The following BMP1 variants were observed in gnomAD, a reference collection of about 807,000 sequenced individuals.
The protein encoded by BMP1 is bone morphogenetic protein 1.
BMP1 carries 63 observed loss-of-function variants against 116.8 expected under a neutral mutation model. That is an observed-to-expected ratio of 0.54 (90% confidence interval 0.44 to 0.67). The LOEUF (loss-of-function observed/expected upper bound fraction) is 0.67. Among genes scored for constraint, BMP1 ranks in the 30% least tolerant of loss-of-function variants. The probability of loss-of-function intolerance (pLI) is 0.00; values close to 1 mark genes in which losing one functional copy is unlikely to be tolerated. For missense variants in BMP1, 1,183 were observed against 1,358.9 expected, an observed-to-expected ratio of 0.87 and a Z score of 2.04; for synonymous variants, 536 against 533.4, an observed-to-expected ratio of 1.00 and a Z score of -0.07.
At chr8:22,172,959 A>G (rs1039666288) in intron 1 of BMP1, among the ~76,000 whole-genome samples, 23 of 152,042 alleles carry the variant, frequency 1.5e-4, no homozygotes, top group African/African-American at 5.6e-4. Context: ...TTGAAACAGC[A>G]TTTGCTGAGT....
intron 18 of BMP1, among the ~76,000 whole-genome samples, 155 bp downstream of exon 18, chr8:22,207,671 C>G (rs575855826): frequency 7.9e-5 from 12 of 152,224 alleles, no homozygotes; most frequent in African/African-American, 2.2e-4. Flanking sequence ...TCCTGAGAAC[C>G]AGGCCTGGGG....
At chr8:22,190,839 C>G (rs1828911232) in intron 8 of BMP1, among the ~76,000 whole-genome samples, 2 of 152,204 alleles carry the variant, frequency 1.3e-5, no homozygotes, top group African/African-American at 4.8e-5. Flanking sequence ...GTCCCCTTCT[C>G]TAGCAGAGAA....
In BMP1 at chr8:22,176,670, C is replaced by T. The variant is rs375600190; in HGVS notation, c.551+20C>T. The T allele has an allele frequency of 5.7e-4, 921 of 1,611,008 alleles. No individual in the cohort carries two copies. The highest frequency in any genetic ancestry group is 7.2e-4 in the Non-Finnish European group (851 of 1,177,414). On this transcript the variant is annotated intron_variant, in intron 4 of 19. Coordinates refer to ENST00000306385, the MANE Select transcript of BMP1 (RefSeq NM_006129.5). ...TTGCGGGTGAGCAGGAAGCCCTAGG[C>T]GCTGTACCTTCCGCCATTGCCCCAA...
At chr8:22,188,177 G>GTTT (rs759296888) in intron 8 of BMP1, among the ~76,000 whole-genome samples, 53 of 124,592 alleles carry the variant, frequency 4.3e-4, no homozygotes, top group African/African-American at 5.3e-4. Flanking sequence ...CCAGTTTTGG[G>GTTT]TTTTTTTTTT....
chr8:22,207,600 G>A, intron 18 of BMP1, 84 bp downstream of exon 18: 3 of 1,477,072 alleles, frequency 2.0e-6, no homozygotes, highest in African/African-American at 1.4e-5. Flanking sequence ...CGGGTATGAA[G>A]GTACAGAGGG....
At chr8:22,195,723 C>T (rs1448422880) in intron 13 of BMP1, 136 bp downstream of exon 13, 1 of 1,236,284 alleles carries the variant, frequency 8.1e-7, no homozygotes, top group Non-Finnish European at 1.1e-6. Flanking sequence ...CTTAGCTCAC[C>T]ATAGCCTCCC....
chr8:22,171,956 G>A (rs1156839125), intron 1 of BMP1, among the ~76,000 whole-genome samples: 2 of 152,212 alleles, frequency 1.3e-5, no homozygotes, highest in East Asian at 3.8e-4. Flanking sequence ...GCAAGGATGT[G>A]TGTCCCTGGC....
intron 8 of BMP1, among the ~76,000 whole-genome samples, chr8:22,183,738 C>T (rs534336728): frequency 3.3e-5 from 5 of 152,136 alleles, no homozygotes; most frequent in Admixed American, 6.5e-5. Context: ...CCACCACACC[C>T]GGCTAATTTT....
Position 22,207,371 on chromosome 8 carries a change from G to C in BMP1, c.2430G>C (p.Gly810=). ...ACGACCACCTAGAGGTGTTCGACGG[G>C]CGAGACGCCAAGGCCCCCGTCCTCG... ...CAYDHLEVFD[G]RDAKAPVLGR... is the part of the protein sequence containing the mutation. The change falls in exon 18 of 20, where the codon GGG becomes GGC. Residue 810 remains glycine, a synonymous_variant. Coordinates refer to ENST00000306385, the MANE Select transcript of BMP1 (RefSeq NM_006129.5). 4 of 1,614,218 alleles carry C rather than the reference G, an allele frequency of 2.5e-6. No homozygotes were observed. The highest frequency in any genetic ancestry group is 2.5e-6 in the Non-Finnish European group (3 of 1,180,032).
At chr8:22,204,378 C>G (rs1270452974) in intron 16 of BMP1, among the ~76,000 whole-genome samples, 4 of 152,204 alleles carry the variant, frequency 2.6e-5, no homozygotes, top group Non-Finnish European at 5.9e-5. Flanking sequence ...CTGTTTCCCC[C>G]AGTGAAAGCT....
Position 22,184,983 on chromosome 8 carries a change from G to T in BMP1, c.1077+4500G>T, listed in dbSNP as rs1406176733. Among the ~76,000 whole-genome samples, 10 of 152,276 alleles carry T rather than the reference G, an allele frequency of 6.6e-5. No homozygotes were observed. The East Asian group carries it at 1.9e-3, about 29-fold the overall frequency. On this transcript the variant is annotated intron_variant, in intron 8 of 19. Coordinates refer to ENST00000306385, the MANE Select transcript of BMP1 (RefSeq NM_006129.5). ...GAAATGTGAATGATAGGTAAATCTT[G>T]CCATATATAATTGATTCTGCCTGTC...
At position 22,196,680 on chromosome 8, in the gene BMP1, C is replaced by T; in HGVS notation, c.1766C>T (p.Ala589Val). The stretch of plus-strand genomic sequence containing the variant: ...GATGCCACCTTCCTTGTCCCCGCAG[C>T]TGCTTGTGGCGGATTCCTCACCAAG... Reference protein sequence around the residue: ...ELAPDKRRCEAACGGFLTKLN... With the variant: ...ELAPDKRRCEVACGGFLTKLN... Residue 589 changes from alanine to valine, a missense_variant and splice_region_variant, in exon 14 of 20, where the codon GCT (alanine) becomes GTT (valine). Around this residue, in one of 4 missense-constraint regions of BMP1, gnomAD observed 956 missense variants for 1,135.2 expected, o/e 0.84. Coordinates refer to ENST00000306385, the MANE Select transcript of BMP1 (RefSeq NM_006129.5). 3 of 1,613,946 alleles carry T rather than the reference C, an allele frequency of 1.9e-6. No individual in the cohort carries two copies. The highest frequency in any genetic ancestry group is 2.5e-6 in the Non-Finnish European group (3 of 1,180,026).
chr8:22,190,705 C>T (rs1210076066), intron 8 of BMP1, among the ~76,000 whole-genome samples: 1 of 152,188 alleles, frequency 6.6e-6, no homozygotes, highest in African/African-American at 2.4e-5. Flanking sequence ...GAGCCAGGAG[C>T]TCCTCCCCGA....
intron 8 of BMP1, among the ~76,000 whole-genome samples, chr8:22,184,295 G>C (rs1224046501): frequency 6.6e-6 from 1 of 152,154 alleles, no homozygotes; most frequent in Non-Finnish European, 1.5e-5. Flanking sequence ...TTCCTGGCTG[G>C]CCTGGGCTAG....
intron 14 of BMP1, 96 bp downstream of exon 14, chr8:22,196,936 C>A: frequency 7.1e-7 from 1 of 1,413,146 alleles, no homozygotes; most frequent in Non-Finnish European, 9.5e-7. Flanking sequence ...GGGGGCCCGG[C>A]AGAAACACTC....
At chr8:22,192,177 C>G (rs1195482895) in intron 9 of BMP1, 26 bp downstream of exon 9, 1 of 1,586,668 alleles carries the variant, frequency 6.3e-7, no homozygotes, top group Non-Finnish European at 8.6e-7. Context: ...ACCCCCTGCC[C>G]CCTCCATGCT....
intron 4 of BMP1, 153 bp from the exon 5 acceptor site, chr8:22,176,808 G>C (rs1828451135): frequency 3.0e-6 from 3 of 991,242 alleles, no homozygotes; most frequent in Non-Finnish European, 4.6e-6. Flanking sequence ...GTGCGGCTGT[G>C]ACCTCCAGCA....
At chr8:22,207,551 C>G in intron 18 of BMP1, 35 bp downstream of exon 18, 1 of 1,604,696 alleles carries the variant, frequency 6.2e-7, no homozygotes, top group South Asian at 1.1e-5. Flanking sequence ...TTCACTGAGC[C>G]TGGTCTCCAA....
rs755842438 is a variant in BMP1 at position 22,201,612 on chromosome 8, G to A, written c.2108-191G>A. ...AGCTGGGCCCTGCTCAGCTGGTCCTGCTGGATGCAGTGCCCCTTTGGACCC... is the reference window on the plus strand; with the variant it reads ...AGCTGGGCCCTGCTCAGCTGGTCCTACTGGATGCAGTGCCCCTTTGGACCC... On this transcript the variant is annotated intron_variant, in intron 15 of 19. Transcript: ENST00000306385. The A allele has an allele frequency of 1.1e-4, 154 of 1,368,982 alleles. 1 individual carries two copies. Among genetic ancestry groups the A allele is most frequent in the Middle Eastern group, 5.3e-4 (2 of 3,764 alleles). The allele number at this position is 1,368,982 out of a possible 1,614,324, so 84.8% of individuals were successfully genotyped here. A position where few individuals can be genotyped will look rare whatever the true frequency, so the allele number is the denominator to read the frequency against.
Sources: gnomAD v4.1 joint callset for allele counts (sites outside exome capture counted in the v4.1 genomes callset) on GRCh38, gnomAD v4.1.1 for gene constraint, gnomAD v4.1.1 regional missense constraint, MANE v1.5 for transcripts, NCBI Gene and HGNC (gene_info 2026-07-23, HGNC 2026-07-21) for gene names.